DPP6: variants seen among roughly 807,000 people sequenced by gnomAD.
DPP6 encodes A-type potassium channel modulatory protein DPP6.
In DPP6, 69 loss-of-function variants were observed where a neutral mutation model predicts 122.6. The ratio of observed to expected loss-of-function variants is 0.56; its 90% CI spans 0.46 to 0.69. The LOEUF (loss-of-function observed/expected upper bound fraction) is 0.69. DPP6 is among the 30% of genes least tolerant of loss of function. DPP6 has a pLI of 0.00. For synonymous variants in DPP6, 418 were observed against 433.1 expected (o/e 0.97, Z 0.43); for missense variants, 928 against 1,116.9 (o/e 0.83, Z 2.41).
intron 1 of DPP6, among the ~76,000 whole-genome samples, chr7:154,380,876 T>C (rs1563575254): frequency 6.6e-6 from 1 of 152,308 alleles, no homozygotes; most frequent in East Asian, 1.9e-4. Context: ...TTGCCAGGAA[T>C]GCATAGCTTA....
chr7:153,982,366 G>C (rs903631963), intron 1 of DPP6, among the ~76,000 whole-genome samples: 13 of 151,622 alleles, frequency 8.6e-5, no homozygotes, highest in African/African-American at 3.2e-4. Flanking sequence ...GCTTCACAAA[G>C]TTCTTGTGCT....
At chr7:154,135,326 A>G (rs1218293542) in intron 1 of DPP6, among the ~76,000 whole-genome samples, 6 of 146,424 alleles carry the variant, frequency 4.1e-5, no homozygotes, top group African/African-American at 1.5e-4. Flanking sequence ...CACTTCCTAT[A>G]AGCCCACACT....
intron 1 of DPP6, among the ~76,000 whole-genome samples, chr7:154,339,538 A>G (rs1809737155): frequency 6.6e-6 from 1 of 152,240 alleles, no homozygotes; most frequent in Non-Finnish European, 1.5e-5. Flanking sequence ...CGTTCTGCAT[A>G]AAAGCTCATT....
chr7:154,480,478 C>A (rs969284913), intron 3 of DPP6, among the ~76,000 whole-genome samples: 9 of 152,162 alleles, frequency 5.9e-5, no homozygotes, highest in Non-Finnish European at 1.0e-4. Context: ...CCATTGATTC[C>A]TCCTCTGCCC....
chr7:153,762,960 CAT>C, the DPP6 span, among the ~76,000 whole-genome samples: 3 of 152,064 alleles, frequency 2.0e-5, no homozygotes, highest in African/African-American at 7.2e-5. Context: ...TGAACAAAGA[CAT>C]AGAGATTACA....
intron 1 of DPP6, among the ~76,000 whole-genome samples, chr7:153,987,671 T>C (rs1585135866): frequency 6.6e-6 from 1 of 151,636 alleles, no homozygotes. Flanking sequence ...ATAACTAGGG[T>C]CAGTCACCAT....
chr7:154,473,246 G>A (rs1159411677), intron 2 of DPP6, among the ~76,000 whole-genome samples: 3 of 152,160 alleles, frequency 2.0e-5, no homozygotes, highest in Non-Finnish European at 4.4e-5. Flanking sequence ...TTATTGTCGT[G>A]TATATGGAAG....
chr7:154,191,110 AG>A (rs1217254917), intron 1 of DPP6, among the ~76,000 whole-genome samples: 4 of 152,182 alleles, frequency 2.6e-5, no homozygotes, highest in Admixed American at 2.6e-4. Context: ...GCTTATTGTT[AG>A]GGGAGTAATT....
chr7:154,568,841 A>G (rs1250143621), intron 5 of DPP6, among the ~76,000 whole-genome samples: 1 of 152,180 alleles, frequency 6.6e-6, no homozygotes. Flanking sequence ...AAAAATGATA[A>G]AATTGAAAAT....
rs559151581 is a variant in DPP6, at chr7:154,713,121, C to T, written c.763-14646C>T. On this transcript the variant is annotated intron_variant, in intron 7 of 25. Transcript: ENST00000377770. ...CATGTCCAAAATCCAATAGGGCAGTCATTAAACCTTAAAGTTCCAAAAATG... is the reference window on the plus strand; with the variant it reads ...CATGTCCAAAATCCAATAGGGCAGTTATTAAACCTTAAAGTTCCAAAAATG... Among the ~76,000 whole-genome samples the T allele has an allele frequency of 2.0e-5, 3 of 152,362 alleles. No homozygotes were observed. The East Asian group carries it at 5.8e-4, about 29-fold the overall frequency.
intron 1 of DPP6, among the ~76,000 whole-genome samples, chr7:154,235,334 G>A (rs1285573083): frequency 1.3e-5 from 2 of 152,172 alleles, no homozygotes; most frequent in African/African-American, 4.8e-5. Context: ...CATCCAGGTG[G>A]TAGCCTGTGA....
At chr7:153,888,124 C>T (rs2128991941) in intron 1 of DPP6, among the ~76,000 whole-genome samples, 1 of 152,262 alleles carries the variant, frequency 6.6e-6, no homozygotes, top group African/African-American at 2.4e-5. Flanking sequence ...GGAAGGGCCA[C>T]TGGGCCCTGG....
chr7:154,482,428 T>C (rs1823389228), intron 3 of DPP6, among the ~76,000 whole-genome samples: 1 of 152,226 alleles, frequency 6.6e-6, no homozygotes, highest in African/African-American at 2.4e-5. Context: ...TTGTATTATA[T>C]ATACTACACA....
chr7:153,900,669 A>G (rs1370910352), intron 1 of DPP6, among the ~76,000 whole-genome samples: 1 of 152,048 alleles, frequency 6.6e-6, no homozygotes. Flanking sequence ...TGACCCAAAT[A>G]CCTCTCAGTA....
chr7:154,598,800 ATTG>A (rs1463174673), intron 5 of DPP6, among the ~76,000 whole-genome samples: 1 of 152,130 alleles, frequency 6.6e-6, no homozygotes, highest in African/African-American at 2.4e-5. Context: ...GGTTTATAGC[ATTG>A]TTGTTTTGTT....
At chr7:154,391,284 G>C (rs572110161) in intron 1 of DPP6, among the ~76,000 whole-genome samples, 21 of 152,276 alleles carry the variant, frequency 1.4e-4, no homozygotes, top group Non-Finnish European at 2.6e-4. Context: ...TTTTCTGTGT[G>C]TTGGCAGTTG....
intron 4 of DPP6, among the ~76,000 whole-genome samples, chr7:154,549,039 G>A (rs977986716): frequency 1.4e-4 from 21 of 152,196 alleles, no homozygotes; most frequent in Non-Finnish European, 2.1e-4. Flanking sequence ...TGGCTGGAAG[G>A]TCTGGGGAAA....
chr7:154,241,120 C>G lies in DPP6; in HGVS notation c.243+188057C>G, dbSNP rs937057782. On this transcript the variant is annotated intron_variant, in intron 1 of 25. Coordinates refer to ENST00000377770, the MANE Select transcript of DPP6 (RefSeq NM_130797.4). This position sits in a 1 kb window ranked among gnomAD's most constrained non-coding sequence, Gnocchi z 9.0. ...TTTCTTACCATGTAACCACATACTG[C>G]TTTGCACCAATGATTGGGCACAAAT... Among the ~76,000 whole-genome samples the G allele has an allele frequency of 1.3e-5, 2 of 151,292 alleles. No individual in the cohort carries two copies. Among genetic ancestry groups the G allele is most frequent in the African/African-American group, 4.9e-5 (2 of 41,164 alleles).
chr7:154,128,556 C>T (rs1246402018), intron 1 of DPP6, among the ~76,000 whole-genome samples: 9 of 152,068 alleles, frequency 5.9e-5, no homozygotes, highest in South Asian at 2.1e-4. Context: ...CGCCCGCCAC[C>T]GCGCCTGGCT....
Sources: allele counts gnomAD v4.1 joint callset (sites outside exome capture counted in the v4.1 genomes callset), GRCh38; gene constraint gnomAD v4.1.1; non-coding constraint Gnocchi (gnomAD v3.1); transcripts MANE v1.5; gene names NCBI Gene and HGNC (gene_info 2026-07-23, HGNC 2026-07-21).